Variants in TTC6 observed in about 807,000 individuals in gnomAD.
TTC6 encodes the protein tetratricopeptide repeat domain 6, also known as tetratricopeptide repeat protein 6.
A neutral mutation model predicts 210.4 loss-of-function variants in TTC6; 172 were observed. That is an observed-to-expected ratio of 0.82 (90% CI 0.72 to 0.93). TTC6 has a LOEUF of 0.93. Ranked by LOEUF, TTC6 falls within the 40% of genes least tolerant of loss-of-function variation. The pLI, the probability that TTC6 is intolerant of heterozygous loss-of-function variation, is 0.00. For synonymous variants in TTC6, 804 were observed against 819.6 expected, an observed-to-expected ratio of 0.98 and a Z score of 0.32; for missense variants, 2,414 against 2,318.1, an observed-to-expected ratio of 1.04 and a Z score of -0.85.
At chr14:37,818,235 CACTT>C (rs932787957) in intron 26 of TTC6, among the ~76,000 whole-genome samples, 17 of 152,038 alleles carry the variant, frequency 1.1e-4, no homozygotes, top group South Asian at 2.1e-4. Context: ...GAGATGAAAA[CACTT>C]ACATAAGGTT....
chr14:37,718,016 C>A (rs2095855452), intron 6 of TTC6, among the ~76,000 whole-genome samples: 1 of 152,168 alleles, frequency 6.6e-6, no homozygotes, highest in East Asian at 1.9e-4. Context: ...ACATCAGATG[C>A]TAGTGCCTCG....
rs2095868811 is a variant in TTC6, at chr14:37,724,999, T to A, written c.1815T>A (p.Tyr605Ter). The A allele has an allele frequency of 1.3e-6, 2 of 1,485,530 alleles. No individual in the cohort carries two copies. 92.0% of individuals were successfully genotyped at this position (1,485,530 alleles called of 1,614,324 possible). ...TGAAGGAAACTCTATATCCAAAATATGAGGTAACATACCGAATGGGTTTTC... is the reference window on the plus strand; with the variant it reads ...TGAAGGAAACTCTATATCCAAAATAAGAGGTAACATACCGAATGGGTTTTC... Residue 605 changes from tyrosine (Y) to a stop codon, truncating the protein, a stop_gained, in exon 7 of 31, where the codon TAT (tyrosine) becomes TAA (stop). Coordinates refer to ENST00000553443, the Ensembl canonical transcript of TTC6. LOFTEE classifies it high-confidence loss of function.
At chr14:37,811,458 C>T (rs1304535028) in intron 24 of TTC6, among the ~76,000 whole-genome samples, 5 of 152,134 alleles carry the variant, frequency 3.3e-5, no homozygotes, top group Non-Finnish European at 1.5e-5. Context: ...ATATAAAATG[C>T]TCTTTGTCAT....
intron 8 of TTC6, among the ~76,000 whole-genome samples, chr14:37,737,439 A>AAAG (rs2095904805): frequency 1.3e-5 from 2 of 151,598 alleles, no homozygotes; most frequent in South Asian, 4.2e-4. Context: ...TTTTAAAAAA[A>AAAG]CATAGTTTTT....
intron 1 of TTC6, among the ~76,000 whole-genome samples, chr14:37,646,820 G>A (rs1011715917): frequency 6.6e-6 from 1 of 152,170 alleles, no homozygotes; most frequent in Non-Finnish European, 1.5e-5. Context: ...TAAACTATTC[G>A]CATAGTTGCT....
intron 10 of TTC6, among the ~76,000 whole-genome samples, chr14:37,747,741 G>A (rs151193720): frequency 2.6e-5 from 4 of 152,304 alleles, no homozygotes; most frequent in African/African-American, 9.6e-5. Flanking sequence ...GAGAAGGGTA[G>A]AGATGAATAT....
intron 27 of TTC6, among the ~76,000 whole-genome samples, chr14:37,825,781 A>G (rs1455442605): frequency 6.6e-6 from 1 of 152,106 alleles, no homozygotes; most frequent in African/African-American, 2.4e-5. Flanking sequence ...TTATGTTATT[A>G]TGTATATTAT....
chr14:37,746,328 C>T (rs1402856359), intron 10 of TTC6, among the ~76,000 whole-genome samples: 1 of 152,206 alleles, frequency 6.6e-6, no homozygotes, highest in Non-Finnish European at 1.5e-5. Context: ...TGGGACTTGA[C>T]TAAGCACATT....
intron 19 of TTC6, 52 bp from the exon 22 acceptor site, chr14:37,796,735 C>G: frequency 6.6e-7 from 1 of 1,516,316 alleles, no homozygotes; most frequent in Non-Finnish European, 8.9e-7. Flanking sequence ...TAATTATATT[C>G]AAAATCATTG....
intron 14 of TTC6, among the ~76,000 whole-genome samples, chr14:37,755,841 T>A (rs2095965951): frequency 6.6e-6 from 1 of 152,196 alleles, no homozygotes. Flanking sequence ...TATGGGGTAT[T>A]TTGTGGTTCC....
At chr14:37,645,369 TG>T (rs2095699711) in intron 1 of TTC6, among the ~76,000 whole-genome samples, 1 of 152,182 alleles carries the variant, frequency 6.6e-6, no homozygotes, top group East Asian at 1.9e-4. Context: ...GCAATGTAAT[TG>T]GGTGCCTGTT....
intron 1 of TTC6, among the ~76,000 whole-genome samples, chr14:37,604,539 C>T (rs1465642139): frequency 6.6e-6 from 1 of 152,100 alleles, no homozygotes; most frequent in East Asian, 1.9e-4. Context: ...TCGGAGCCCG[C>T]CTGAATTTAC....
rs892500919 is a variant in TTC6 at position 37,751,990 on chromosome 14, AT to A, written c.3129+773del. On this transcript the variant is annotated intron_variant, in intron 13 of 30. Coordinates refer to ENST00000553443, the Ensembl canonical transcript of TTC6. ...AGGTGCCCGCCACTATGCCCGGTTA[AT>A]TTTTTTTGTATTTTTAGTAGAGATG... Among the ~76,000 whole-genome samples, 59 of 151,424 alleles carry A rather than the reference AT, an allele frequency of 3.9e-4. 1 individual carries two copies. The Middle Eastern group carries it at 0.034, about 89-fold the overall frequency.
chr14:37,673,532 A>G (rs566663042), intron 1 of TTC6, among the ~76,000 whole-genome samples: 1 of 152,196 alleles, frequency 6.6e-6, no homozygotes, highest in African/African-American at 2.4e-5. Flanking sequence ...TTGCATGATG[A>G]AGAGTAGAGG....
intron 1 of TTC6, among the ~76,000 whole-genome samples, chr14:37,676,743 T>A (rs1184918585): frequency 2.6e-5 from 4 of 152,108 alleles, no homozygotes; most frequent in Admixed American, 2.6e-4. Flanking sequence ...ATTTTGTACA[T>A]CATTTGAGAT....
rs186626867 is a variant in TTC6, at chr14:37,747,639, C to G, written c.2364-1300C>G. 2.2e-3 allele frequency among the ~76,000 whole-genome samples: 333 copies of G among 152,242 alleles called. 1 individual carries two copies. The highest frequency in any genetic ancestry group is 3.5e-3 in the Non-Finnish European group (238 of 68,026). On this transcript the variant is annotated intron_variant, in intron 10 of 30. Coordinates refer to ENST00000553443, the Ensembl canonical transcript of TTC6. Reference sequence around the variant, plus strand: ...CTCCTCCTTCCCTCTGTTGGAGTTCCTAATTGGATAAACTTTATGAGAAGA... The same window carrying G: ...CTCCTCCTTCCCTCTGTTGGAGTTCGTAATTGGATAAACTTTATGAGAAGA...
intron 2 of TTC6, among the ~76,000 whole-genome samples, chr14:37,610,218 G>T (rs1381211516): frequency 6.6e-6 from 1 of 152,212 alleles, no homozygotes; most frequent in East Asian, 1.9e-4. Flanking sequence ...CCAAAGCAAG[G>T]CTGTTCAGAG....
chr14:37,615,642 A>G, intron 2 of TTC6, among the ~76,000 whole-genome samples: 1 of 151,964 alleles, frequency 6.6e-6, no homozygotes, highest in South Asian at 2.1e-4. Context: ...TTTTCTTTTT[A>G]TTAATCTCTA....
At chr14:37,751,281 C>T in intron 13 of TTC6, 56 bp downstream of exon 15, 1 of 1,284,806 alleles carries the variant, frequency 7.8e-7, no homozygotes, top group Non-Finnish European at 1.0e-6. Context: ...GCGATATCCT[C>T]ATGCAAATAG....
Sources: gnomAD v4.1 joint callset for allele counts (sites outside exome capture counted in the v4.1 genomes callset) on GRCh38, gnomAD v4.1.1 for gene constraint, MANE v1.5 for transcripts, NCBI Gene and HGNC (gene_info 2026-07-23, HGNC 2026-07-21) for gene names.